Variants in ANKRD36 observed in about 807,000 individuals in gnomAD.
ANKRD36 encodes the protein ankyrin repeat domain 36, also known as ankyrin repeat domain-containing protein 36A.
ANKRD36 carries 179 observed loss-of-function variants against 278.1 expected under a neutral mutation model. That is an observed-to-expected ratio of 0.64 (90% CI 0.57 to 0.73). The LOEUF (loss-of-function observed/expected upper bound fraction) is 0.73. ANKRD36 is among the 30% of genes least tolerant of loss of function. ANKRD36 has a pLI of 0.00. For missense variants in ANKRD36, 1,159 were observed against 1,956.7 expected, an observed-to-expected ratio of 0.59 and a Z score of 7.69; for synonymous variants, 320 against 641.1, an observed-to-expected ratio of 0.50 and a Z score of 7.57.
At chr2:97,205,319 T>G (rs565074388) in intron 50 of ANKRD36, among the ~76,000 whole-genome samples, 43 of 151,680 alleles carry the variant, frequency 2.8e-4, no homozygotes, top group Non-Finnish European at 5.3e-4. Flanking sequence ...GCTATACTAG[T>G]GGATACAAGA....
chr2:97,232,046 T>G (rs1380895126), intron 67 of ANKRD36, among the ~76,000 whole-genome samples: 2 of 151,876 alleles, frequency 1.3e-5, no homozygotes, highest in Non-Finnish European at 2.9e-5. Context: ...TGGTTTATGT[T>G]TTTCACTGAT....
intron 70 of ANKRD36, 103 bp downstream of exon 70, chr2:97,244,132 A>C: frequency 1.4e-6 from 2 of 1,388,980 alleles, no homozygotes; most frequent in Non-Finnish European, 9.5e-7. Context: ...ACAATCCCCA[A>C]ATTTTATTTC....
In ANKRD36 at chr2:97,154,671, G is replaced by A. The variant is rs1290943665; in HGVS notation, c.1194-4G>A. 1.3e-6 allele frequency: 2 copies of A among 1,484,128 alleles called. No homozygotes were observed. The highest frequency in any genetic ancestry group is 1.4e-5 in the African/African-American group (1 of 72,580). The allele number at this position is 1,484,128 out of a possible 1,614,324, so 91.9% of individuals were successfully genotyped here. ...CATTTTTGTAATATCTTTTTGCTCT[G>A]TAGGTGTCTCTACCTACTGGACCGT... On this transcript the variant is annotated splice_region_variant and splice_polypyrimidine_tract_variant and intron_variant, in intron 14 of 75. Coordinates refer to ENST00000420699, the MANE Select transcript of ANKRD36 (RefSeq NM_001354587.1).
At chr2:97,211,240 AT>A (rs2064475290) in intron 56 of ANKRD36, among the ~76,000 whole-genome samples, 2 of 151,924 alleles carry the variant, frequency 1.3e-5, no homozygotes, top group South Asian at 4.2e-4. Context: ...TGCTCCTCTG[AT>A]TTTAGATCAC....
intron 14 of ANKRD36, among the ~76,000 whole-genome samples, chr2:97,154,428 A>G (rs1424685402): frequency 6.8e-6 from 1 of 147,492 alleles, no homozygotes; most frequent in Admixed American, 6.7e-5. Flanking sequence ...TTTAAGGGTG[A>G]GTCTGCATTG....
intron 48 of ANKRD36, among the ~76,000 whole-genome samples, chr2:97,203,867 T>C (rs2062061918): frequency 6.6e-6 from 1 of 151,846 alleles, no homozygotes; most frequent in Admixed American, 6.6e-5. Context: ...TTTGAAATTC[T>C]AAGACTATAT....
In ANKRD36 at chr2:97,211,663, A is replaced by T; in HGVS notation, c.3397-6A>T. ...TATTGACTGTTTTGTTTCAAATTCT[A>T]TTCAGGCTATCTGTGACAAGGAAGA... On this transcript the variant is annotated splice_polypyrimidine_tract_variant and splice_region_variant and intron_variant, in intron 57 of 75. Coordinates refer to ENST00000420699, the MANE Select transcript of ANKRD36 (RefSeq NM_001354587.1). 3 of 1,592,940 alleles carry T rather than the reference A, an allele frequency of 1.9e-6. No individual in the cohort carries two copies. The East Asian group carries it at 7.1e-5, about 38-fold the overall frequency.
At chr2:97,200,291 C>G in intron 44 of ANKRD36, 43 bp from the exon 45 acceptor site, 1 of 1,606,698 alleles carries the variant, frequency 6.2e-7, no homozygotes. Flanking sequence ...ATAATTTTAT[C>G]ATGTTTACAT....
At chr2:97,211,954 T>C (rs1379564988) in intron 58 of ANKRD36, among the ~76,000 whole-genome samples, 10 of 151,948 alleles carry the variant, frequency 6.6e-5, no homozygotes, top group East Asian at 3.9e-4. Flanking sequence ...TACTTTGAAA[T>C]TGGGAAAAAG....
intron 30 of ANKRD36, among the ~76,000 whole-genome samples, chr2:97,185,740 T>C (rs1438943712): frequency 1.3e-5 from 2 of 151,672 alleles, no homozygotes; most frequent in Non-Finnish European, 2.9e-5. Flanking sequence ...AGAAGAAACA[T>C]TGGAGAGCAG....
rs2062995283 is a variant in ANKRD36, at chr2:97,206,849, G to A, written c.3163+714G>A. On this transcript the variant is annotated intron_variant, in intron 52 of 75. Coordinates refer to ENST00000420699, the MANE Select transcript of ANKRD36 (RefSeq NM_001354587.1). ...TTGTTGATTTTAGGTATAGAAATCA[G>A]ACAAACTTGAATCTGAATACATTGG... is the stretch of plus-strand genomic sequence containing the variant. 2.0e-5 allele frequency among the ~76,000 whole-genome samples: 3 copies of A among 151,454 alleles called. No homozygotes were observed. The South Asian group carries it at 6.3e-4, about 32-fold the overall frequency.
At chr2:97,154,446 C>T (rs2046946697) in intron 14 of ANKRD36, among the ~76,000 whole-genome samples, 1 of 146,936 alleles carries the variant, frequency 6.8e-6, no homozygotes, top group Non-Finnish European at 1.5e-5. Context: ...TTGGATATTT[C>T]ATAGGTTGGG....
chr2:97,200,907 T>C (rs2061196271), intron 46 of ANKRD36, among the ~76,000 whole-genome samples: 1 of 151,896 alleles, frequency 6.6e-6, no homozygotes, highest in African/African-American at 2.4e-5. Flanking sequence ...AAACTGTTCA[T>C]TATAACCCGT....
chr2:97,159,930 C>G (rs2048440376), intron 17 of ANKRD36, among the ~76,000 whole-genome samples: 1 of 152,012 alleles, frequency 6.6e-6, no homozygotes, highest in Non-Finnish European at 1.5e-5. Flanking sequence ...TATAGGCGCC[C>G]GCCATCACGC....
intron 20 of ANKRD36, among the ~76,000 whole-genome samples, chr2:97,164,831 C>T (rs2050190370): frequency 6.6e-6 from 1 of 152,190 alleles, no homozygotes; most frequent in African/African-American, 2.4e-5. Flanking sequence ...AAAGCTATAC[C>T]TGCTGACTTT....
In ANKRD36 at chr2:97,129,870, G is replaced by C. The variant is rs376016147; in HGVS notation, c.799+2736G>C. Among the ~76,000 whole-genome samples, 7 of 152,034 alleles carry C rather than the reference G, an allele frequency of 4.6e-5. 1 individual carries two copies. The highest frequency in any genetic ancestry group is 3.3e-4 in the Admixed American group (5 of 15,234). On this transcript the variant is annotated intron_variant, in intron 6 of 75. Transcript: ENST00000420699. ...CCAGTACCATGCTGTTTTGGTTACT[G>C]TAGCCTTGTAGTATAGTTTGAAGTC...
At chr2:97,219,453 TTTTTG>T (rs998196565) in intron 66 of ANKRD36, among the ~76,000 whole-genome samples, 2 of 152,096 alleles carry the variant, frequency 1.3e-5, no homozygotes, top group Non-Finnish European at 1.5e-5. Context: ...ACATAAGGTT[TTTTTG>T]TTTTGTTTTG....
At chr2:97,196,210 T>C (rs1366995139) in intron 40 of ANKRD36, among the ~76,000 whole-genome samples, 3 of 151,996 alleles carry the variant, frequency 2.0e-5, no homozygotes, top group African/African-American at 4.8e-5. Context: ...TCCTTTTGAT[T>C]TGTTGCGTGA....
chr2:97,189,027 T>C, intron 32 of ANKRD36, 60 bp from the exon 33 acceptor site: 4 of 700,622 alleles, frequency 5.7e-6, no homozygotes, highest in South Asian at 3.9e-5. Context: ...ACTGTGTGAA[T>C]GTATGGATAA....
Sources: gnomAD v4.1 joint callset for allele counts (sites outside exome capture counted in the v4.1 genomes callset) on GRCh38, gnomAD v4.1.1 for gene constraint, MANE v1.5 for transcripts, NCBI Gene and HGNC (gene_info 2026-07-23, HGNC 2026-07-21) for gene names.